Variants in OPCML observed in about 807,000 individuals in gnomAD.
OPCML encodes the protein opioid-binding protein/cell adhesion molecule.
Under a neutral mutation model 37.8 loss-of-function variants are expected in OPCML, and 13 were observed. That is an observed-to-expected ratio of 0.34 (90% CI 0.22 to 0.55). The LOEUF is 0.55. Ranked by LOEUF, OPCML falls within the 20% of genes least tolerant of loss-of-function variation. OPCML has a pLI of 0.91. For synonymous variants in OPCML, 176 were observed against 168.8 expected, an observed-to-expected ratio of 1.04 and a Z score of -0.33; for missense variants, 341 against 435.6, an observed-to-expected ratio of 0.78 and a Z score of 1.93.
At chr11:133,385,368 T>G (rs1315711749) in intron 1 of OPCML, among the ~76,000 whole-genome samples, 1 of 152,182 alleles carries the variant, frequency 6.6e-6, no homozygotes, top group Non-Finnish European at 1.5e-5. Context: ...GCTGTTTGAG[T>G]TCACTGAGTT....
At chr11:132,590,582 A>G (rs915700478) in intron 3 of OPCML, among the ~76,000 whole-genome samples, 2 of 152,230 alleles carry the variant, frequency 1.3e-5, no homozygotes, top group African/African-American at 4.8e-5. Flanking sequence ...TGAGGTAGGT[A>G]AAATTCACGT....
intron 2 of OPCML, among the ~76,000 whole-genome samples, chr11:132,867,636 G>A (rs1312200462): frequency 4.6e-5 from 7 of 152,240 alleles, no homozygotes; most frequent in East Asian, 3.9e-4. Context: ...TTCAAGAAGC[G>A]GGGATGAGAG....
chr11:132,719,016 C>T (rs1944586287), intron 2 of OPCML, among the ~76,000 whole-genome samples: 1 of 152,174 alleles, frequency 6.6e-6, no homozygotes, highest in Non-Finnish European at 1.5e-5. Flanking sequence ...GGTGATCTCC[C>T]AGAGAACTGC....
intron 1 of OPCML, among the ~76,000 whole-genome samples, chr11:133,288,992 T>A (rs189946587): frequency 6.6e-6 from 1 of 152,218 alleles, no homozygotes; most frequent in Admixed American, 6.5e-5. Flanking sequence ...CATGTGGAAC[T>A]CTTAGAACAC....
intron 3 of OPCML, among the ~76,000 whole-genome samples, chr11:132,634,029 C>T (rs1591650667): frequency 6.6e-6 from 1 of 152,112 alleles, no homozygotes; most frequent in South Asian, 2.1e-4. Flanking sequence ...TGCAGGCAAG[C>T]ATACAGACAC....
chr11:133,073,738 A>G (rs1948580606), intron 1 of OPCML, among the ~76,000 whole-genome samples: 1 of 152,212 alleles, frequency 6.6e-6, no homozygotes, highest in Non-Finnish European at 1.5e-5. Context: ...CTAACCTTCA[A>G]CAATGCTTTT....
chr11:133,407,904 T>C (rs1945558995), intron 1 of OPCML, among the ~76,000 whole-genome samples: 1 of 152,204 alleles, frequency 6.6e-6, no homozygotes, highest in South Asian at 2.1e-4. Flanking sequence ...ACCACTGGAC[T>C]AGATAAACTC....
intron 1 of OPCML, among the ~76,000 whole-genome samples, chr11:133,331,432 T>G (rs1943617438): frequency 6.6e-6 from 1 of 152,216 alleles, no homozygotes; most frequent in South Asian, 2.1e-4. Flanking sequence ...AGAGCCACCG[T>G]GGCTTTAGTT....
At chr11:132,745,034 G>A (rs962467980) in intron 2 of OPCML, among the ~76,000 whole-genome samples, 2 of 152,040 alleles carry the variant, frequency 1.3e-5, no homozygotes, top group Admixed American at 6.6e-5. Context: ...AATGTCTTTC[G>A]GCAGGCTCAC....
chr11:133,091,769 G>A (rs1948910113), intron 1 of OPCML, among the ~76,000 whole-genome samples: 1 of 152,124 alleles, frequency 6.6e-6, no homozygotes, highest in South Asian at 2.1e-4. Context: ...TTTCTCACAG[G>A]ATGACTTGTA....
chr11:132,472,479 T>G (rs990093001), intron 4 of OPCML, among the ~76,000 whole-genome samples: 19 of 152,220 alleles, frequency 1.2e-4, no homozygotes, highest in African/African-American at 4.1e-4. Flanking sequence ...TTGCATATCT[T>G]TGGTAATAAT....
At chr11:132,635,534 A>T (rs75114593) in intron 3 of OPCML, among the ~76,000 whole-genome samples, 1 of 145,812 alleles carries the variant, frequency 6.9e-6, no homozygotes, top group South Asian at 2.3e-4. Context: ...TATTCAAGGA[A>T]AAAAAAAAAA....
intron 1 of OPCML, among the ~76,000 whole-genome samples, chr11:133,264,742 AG>A (rs1941602640): frequency 6.8e-6 from 1 of 146,202 alleles, no homozygotes; most frequent in Non-Finnish European, 1.5e-5. Flanking sequence ...CTTTCAACAG[AG>A]AAAAATACAC....
intron 3 of OPCML, among the ~76,000 whole-genome samples, chr11:132,655,931 T>C (rs1475258871): frequency 1.4e-5 from 2 of 146,174 alleles, no homozygotes; most frequent in African/African-American, 5.1e-5. Context: ...CATACACATT[T>C]CACAAACTAA....
Position 133,269,135 on chromosome 11 carries a change from C to G in OPCML, c.61+263129G>C, listed in dbSNP as rs528503097. On this transcript the variant is annotated intron_variant, in intron 1 of 7. Transcript: ENST00000524381. ...TCTTCAAGTTCTTCAATTAGGAAAG[C>G]CTCTTTATGTCTAAGAGTGATGCTA... Among the ~76,000 whole-genome samples, 176 of 152,262 alleles carry G rather than the reference C, an allele frequency of 1.2e-3. 1 individual carries two copies. The highest frequency in any genetic ancestry group is 0.011 in the Admixed American group (173 of 15,288).
intron 2 of OPCML, among the ~76,000 whole-genome samples, chr11:132,663,872 G>A (rs561642535): frequency 6.6e-6 from 1 of 151,992 alleles, no homozygotes; most frequent in Non-Finnish European, 1.5e-5. Context: ...TCACTCTGTC[G>A]CCCAGGCTTG....
chr11:133,034,308 GGTGTGTGTGT>G (rs71038514), intron 1 of OPCML, among the ~76,000 whole-genome samples: 6 of 143,436 alleles, frequency 4.2e-5, no homozygotes, highest in African/African-American at 1.1e-4. Context: ...TGTATGTATA[GGTGTGTGTGT>G]GTGTGTGTGT....
intron 2 of OPCML, among the ~76,000 whole-genome samples, chr11:132,757,912 A>G (rs9671997): frequency 0.012 from 1,753 of 152,180 alleles, 23 homozygotes; most frequent in African/African-American, 0.04. Flanking sequence ...TTTTTCTTCT[A>G]GGTTTTTTTA....
chr11:133,415,335 A>G (rs1396023702), intron 1 of OPCML, among the ~76,000 whole-genome samples: 4 of 151,938 alleles, frequency 2.6e-5, no homozygotes, highest in East Asian at 1.9e-4. Flanking sequence ...GCATGAACCC[A>G]GGAGGCAGAA....
Sources: gnomAD v4.1 joint callset for allele counts (sites outside exome capture counted in the v4.1 genomes callset) on GRCh38, gnomAD v4.1.1 for gene constraint, MANE v1.5 for transcripts, NCBI Gene and HGNC (gene_info 2026-07-23, HGNC 2026-07-21) for gene names.